The following FUT8 variants were observed in gnomAD, a reference collection of about 807,000 sequenced individuals.
FUT8 encodes alpha-(1,6)-fucosyltransferase.
FUT8 carries 29 observed loss-of-function variants against 71.3 expected under a neutral mutation model. That is an observed-to-expected ratio of 0.41 (90% CI 0.30 to 0.55). The LOEUF (loss-of-function observed/expected upper bound fraction) is 0.55, where lower values mean the gene tolerates loss of function less well. Ranked by LOEUF, FUT8 falls within the 20% of genes least tolerant of loss-of-function variation. The pLI, the probability that FUT8 is intolerant of heterozygous loss-of-function variation, is 0.34. For missense variants in FUT8, 544 were observed against 702.1 expected (o/e 0.77, Z 2.55); for synonymous variants, 254 against 239.3 (o/e 1.06, Z -0.57).
intron 1 of FUT8, among the ~76,000 whole-genome samples, chr14:65,431,236 A>G (rs1243345405): frequency 2.1e-5 from 3 of 145,600 alleles, no homozygotes; most frequent in Non-Finnish European, 3.0e-5. Context: ...TCCCAACCTC[A>G]GGTGATCCAC....
At chr14:65,505,602 G>A (rs1186962021) in intron 2 of FUT8, among the ~76,000 whole-genome samples, 2 of 152,016 alleles carry the variant, frequency 1.3e-5, no homozygotes, top group Non-Finnish European at 2.9e-5. Flanking sequence ...GTGAGCTACC[G>A]TGCCCGGCCT....
At chr14:65,406,799 A>C (rs144313947), upstream of FUT8, among the ~76,000 whole-genome samples, 2,709 of 152,240 alleles carry the variant, frequency 0.018, 81 homozygotes, top group African/African-American at 0.062. Context: ...CGGCCTCCCA[A>C]AGTGCTGGGA....
rs572581839 is a variant in FUT8, at chr14:65,436,279, AAAC to A, written c.-325-19330_-325-19328del. Among the ~76,000 whole-genome samples, 10 of 152,162 alleles carry A rather than the reference AAAC, an allele frequency of 6.6e-5. No homozygotes were observed. In the South Asian group the frequency reaches 1.9e-3, roughly 28 times the overall value. ...GGCAACATAGCAAGACCCTGTCTCA[AAAC>A]AACAACAACAAAAACTTTTCTTTAA... On this transcript the variant is annotated intron_variant, in intron 1 of 10. Coordinates refer to ENST00000673929, the MANE Select transcript of FUT8 (RefSeq NM_001371533.1).
the FUT8 span, among the ~76,000 whole-genome samples, chr14:65,382,869 A>G: frequency 2.6e-5 from 4 of 151,614 alleles, no homozygotes; most frequent in East Asian, 5.8e-4. Context: ...CTCACTTTCT[A>G]TGTGGTCCAG....
intron 1 of FUT8, among the ~76,000 whole-genome samples, chr14:65,454,148 C>G (rs2065866044): frequency 6.6e-6 from 1 of 152,184 alleles, no homozygotes; most frequent in South Asian, 2.1e-4. Flanking sequence ...TGGAAGCATA[C>G]ATTTCACACT....
chr14:65,546,009 A>G (rs975988315), intron 2 of FUT8, among the ~76,000 whole-genome samples: 1 of 151,910 alleles, frequency 6.6e-6, no homozygotes, highest in Non-Finnish European at 1.5e-5. Flanking sequence ...TAGGCATTTA[A>G]TGAAATAACA....
chr14:65,590,731 A>G (rs1887640464), intron 3 of FUT8, among the ~76,000 whole-genome samples: 1 of 152,184 alleles, frequency 6.6e-6, no homozygotes, highest in Non-Finnish European at 1.5e-5. Context: ...TCCTGCATAA[A>G]CGATTGTTTT....
intron 3 of FUT8, among the ~76,000 whole-genome samples, chr14:65,571,016 C>T (rs72714498): frequency 0.064 from 9,769 of 152,114 alleles, 392 homozygotes; most frequent in Admixed American, 0.087. Context: ...TTCTGTATAT[C>T]ACTCCCCCTT....
At chr14:65,630,261 A>T (rs1484011002) in intron 6 of FUT8, among the ~76,000 whole-genome samples, 2 of 152,178 alleles carry the variant, frequency 1.3e-5, no homozygotes, top group Non-Finnish European at 2.9e-5. Flanking sequence ...TTGTTTTATA[A>T]ATGTTATTAT....
At chr14:65,708,142 G>A (rs2140504498) in intron 7 of FUT8, among the ~76,000 whole-genome samples, 1 of 152,296 alleles carries the variant, frequency 6.6e-6, no homozygotes, top group East Asian at 1.9e-4. Context: ...GAGACCTGGT[G>A]GATGTAATTG....
chr14:65,621,239 G>A (rs926260251), intron 5 of FUT8, among the ~76,000 whole-genome samples: 1 of 151,418 alleles, frequency 6.6e-6, no homozygotes, highest in African/African-American at 2.4e-5. Flanking sequence ...TGCATTATTT[G>A]TTCCTGTTTT....
In FUT8 at chr14:65,669,018, G is replaced by T. The variant is rs1483427719; in HGVS notation, c.598-225G>T. 6.6e-6 allele frequency among the ~76,000 whole-genome samples: 1 copy of T among 151,982 alleles called. No individual in the cohort carries two copies. Among genetic ancestry groups the T allele is most frequent in the African/African-American group, 2.4e-5 (1 of 41,370 alleles). ...ACAAATAAGAGAATAGTAGACACTGGGGCCTACTTGAGGGTGAAAGGTGGG... is the reference window on the plus strand; with the variant it reads ...ACAAATAAGAGAATAGTAGACACTGTGGCCTACTTGAGGGTGAAAGGTGGG... On this transcript the variant is annotated intron_variant, in intron 6 of 10. Coordinates refer to ENST00000673929, the MANE Select transcript of FUT8 (RefSeq NM_001371533.1). This position sits in a 1 kb window ranked among gnomAD's most constrained non-coding sequence, Gnocchi z 4.5.
chr14:65,424,234 T>C (rs1200087098), intron 1 of FUT8, among the ~76,000 whole-genome samples: 1 of 152,222 alleles, frequency 6.6e-6, no homozygotes, highest in African/African-American at 2.4e-5. Context: ...AAATATTCAC[T>C]CTTGAGCTCA....
At chr14:65,624,355 A>G (rs1204043111) in intron 5 of FUT8, among the ~76,000 whole-genome samples, 1 of 151,544 alleles carries the variant, frequency 6.6e-6, no homozygotes, top group African/African-American at 2.4e-5. Flanking sequence ...GTAGAGACAG[A>G]TGAATGTGAA....
At chr14:65,641,535 G>C (rs914268290) in intron 6 of FUT8, among the ~76,000 whole-genome samples, 1 of 152,146 alleles carries the variant, frequency 6.6e-6, no homozygotes, top group Non-Finnish European at 1.5e-5. Flanking sequence ...CCTAGGAGTG[G>C]AATGGCTGGG....
At chr14:65,741,876 G>A (rs187236694) in intron 10 of FUT8, among the ~76,000 whole-genome samples, 241 of 151,894 alleles carry the variant, frequency 1.6e-3, no homozygotes, top group Non-Finnish European at 2.4e-3. Flanking sequence ...ATAATCTTTC[G>A]TGAGTTTTTC....
intron 7 of FUT8, among the ~76,000 whole-genome samples, chr14:65,686,777 G>A (rs1893307179): frequency 6.6e-6 from 1 of 152,156 alleles, no homozygotes; most frequent in African/African-American, 2.4e-5. Context: ...CTTAAGAGAA[G>A]CTGTATTTCC....
chr14:65,470,432 C>G lies in FUT8; in HGVS notation c.-228+14714C>G, dbSNP rs940319019. ...ACCCAGGCTTGGGTGGCTTGGGCTG[C>G]TGCCTGCTCCTGGCTCCCACTGGCA... On this transcript the variant is annotated intron_variant, in intron 2 of 10. Coordinates refer to ENST00000673929, the MANE Select transcript of FUT8 (RefSeq NM_001371533.1). Among the ~76,000 whole-genome samples, 4 of 152,174 alleles carry G rather than the reference C, an allele frequency of 2.6e-5. No individual in the cohort carries two copies. The South Asian group carries it at 6.2e-4, about 24-fold the overall frequency.
intron 2 of FUT8, among the ~76,000 whole-genome samples, chr14:65,491,616 A>G (rs2066483138): frequency 6.6e-6 from 1 of 152,170 alleles, no homozygotes; most frequent in Admixed American, 6.6e-5. Context: ...TTATAAAATC[A>G]CATAATTTTT....
Sources: allele counts gnomAD v4.1 joint callset (sites outside exome capture counted in the v4.1 genomes callset), GRCh38; gene constraint gnomAD v4.1.1; non-coding constraint Gnocchi (gnomAD v3.1); transcripts MANE v1.5; gene names NCBI Gene and HGNC (gene_info 2026-07-23, HGNC 2026-07-21).